ATP8B1: variants seen among roughly 807,000 people sequenced by gnomAD.
ATP8B1 encodes the protein ATPase phospholipid transporting 8B1.
Under a neutral mutation model 149.9 loss-of-function variants are expected in ATP8B1, and 80 were observed. That is an observed-to-expected ratio of 0.53 (90% CI 0.45 to 0.64). ATP8B1 has a LOEUF of 0.64. Ranked by LOEUF, ATP8B1 falls within the 30% of genes least tolerant of loss-of-function variation. ATP8B1 has a pLI of 0.00. For synonymous variants in ATP8B1, 536 were observed against 562.8 expected (o/e 0.95, Z 0.67); for missense variants, 1,247 against 1,552.6 (o/e 0.80, Z 3.31).
intron 1 of ATP8B1, among the ~76,000 whole-genome samples, chr18:57,757,767 C>T (rs1056617920): frequency 6.6e-6 from 1 of 152,150 alleles, no homozygotes; most frequent in Non-Finnish European, 1.5e-5. Context: ...GCCAGTATCA[C>T]TACATAAAGT....
Position 57,652,430 on chromosome 18 carries a change from G to A in ATP8B1, c.3261+54C>T, listed in dbSNP as rs1033007908. The A allele has an allele frequency of 5.3e-5, 86 of 1,610,926 alleles. No individual in the cohort carries two copies. The Admixed American group carries it at 1.3e-3, about 25-fold the overall frequency. On this transcript the variant is annotated intron_variant, in intron 25 of 27. Coordinates refer to ENST00000648908, the MANE Select transcript of ATP8B1 (RefSeq NM_001374385.1). ...GGATGTGCATGCCACCCTATATACA[G>A]AAATATAAGTAGGTACCAATAGACA...
Position 57,648,144 on chromosome 18 carries a change from G to C in ATP8B1, c.*344C>G. ...TGGGATTACGGGTGCCCACCACCAA[G>C]CCCGGCTAATTTTTAATTTATGGTA... On this transcript the variant is annotated 3_prime_UTR_variant, in exon 28 of 28. Coordinates refer to ENST00000648908, the MANE Select transcript of ATP8B1 (RefSeq NM_001374385.1). The C allele has an allele frequency of 2.5e-6, 1 of 395,320 alleles. No homozygotes were observed. Among genetic ancestry groups the C allele is most frequent in the Non-Finnish European group, 4.8e-6 (1 of 207,830 alleles). 24.5% of individuals were successfully genotyped at this position (395,320 alleles called of 1,614,324 possible).
intron 15 of ATP8B1, among the ~76,000 whole-genome samples, chr18:57,683,356 G>T (rs1455367138): frequency 6.6e-6 from 1 of 152,188 alleles, no homozygotes; most frequent in African/African-American, 2.4e-5. Flanking sequence ...AAGTGCATGT[G>T]TGTCTATATA....
At chr18:57,668,941 A>G in intron 18 of ATP8B1, 1 of 207,294 alleles carries the variant, frequency 4.8e-6, no homozygotes, top group East Asian at 1.2e-4. Context: ...GAAAACTTTT[A>G]GAAACAATAT....
intron 1 of ATP8B1, among the ~76,000 whole-genome samples, chr18:57,791,346 CTTTT>C (rs2080462328): frequency 8.0e-6 from 1 of 124,970 alleles, no homozygotes. Context: ...TTTTTCTTTT[CTTTT>C]CTTTTTTTTT....
At chr18:57,783,977 C>G (rs2080382250) in intron 1 of ATP8B1, among the ~76,000 whole-genome samples, 1 of 152,184 alleles carries the variant, frequency 6.6e-6, no homozygotes, top group Non-Finnish European at 1.5e-5. Flanking sequence ...TTCTCTACAT[C>G]CTTGCTACTT....
intron 2 of ATP8B1, chr18:57,731,302 C>G: frequency 6.4e-6 from 1 of 157,046 alleles, no homozygotes; most frequent in East Asian, 1.9e-4. Context: ...TGAGACCCTG[C>G]CTCAAAATAT....
At chr18:57,733,580 C>T (rs1012811814) in intron 1 of ATP8B1, among the ~76,000 whole-genome samples, 1 of 151,982 alleles carries the variant, frequency 6.6e-6, no homozygotes, top group Non-Finnish European at 1.5e-5. Flanking sequence ...GTAGCGGGCA[C>T]CTGTAGTCCC....
At chr18:57,665,299 C>T (rs1435326701) in intron 20 of ATP8B1, among the ~76,000 whole-genome samples, 3 of 152,064 alleles carry the variant, frequency 2.0e-5, no homozygotes, top group Non-Finnish European at 4.4e-5. Context: ...TTAAGAGCCA[C>T]CTGGGAAGAT....
intron 12 of ATP8B1, among the ~76,000 whole-genome samples, chr18:57,690,212 T>A (rs980565010): frequency 2.6e-5 from 4 of 152,150 alleles, no homozygotes; most frequent in African/African-American, 9.7e-5. Flanking sequence ...GGAATGCCCC[T>A]GGCAGAGAAA....
chr18:57,779,159 C>T (rs2080336319), intron 1 of ATP8B1, among the ~76,000 whole-genome samples: 1 of 151,852 alleles, frequency 6.6e-6, no homozygotes, highest in Admixed American at 6.6e-5. Context: ...CCCATCTCTA[C>T]AAAAAATGCA....
At chr18:57,667,188 G>A in intron 19 of ATP8B1, 21 bp from the exon 20 acceptor site, 2 of 1,560,710 alleles carry the variant, frequency 1.3e-6, no homozygotes, top group South Asian at 1.1e-5. Context: ...ATAAAATTAA[G>A]TCAAATGTCA....
intron 1 of ATP8B1, among the ~76,000 whole-genome samples, chr18:57,745,656 A>AT (rs11304424): frequency 7.3e-4 from 105 of 143,940 alleles, no homozygotes; most frequent in East Asian, 1.2e-3. Flanking sequence ...TGGTTTTACA[A>AT]TTTTTTTTTT....
intron 22 of ATP8B1, among the ~76,000 whole-genome samples, chr18:57,656,589 C>A (rs1910014215): frequency 1.3e-5 from 2 of 151,924 alleles, no homozygotes; most frequent in South Asian, 4.2e-4. Flanking sequence ...GTTGTCCAGG[C>A]AGGCCTTGAA....
intron 12 of ATP8B1, among the ~76,000 whole-genome samples, chr18:57,689,975 G>T (rs317808): frequency 0.99 from 150,085 of 152,336 alleles, 73,977 homozygotes; most frequent in Middle Eastern, 1. Context: ...GAGATCGCGC[G>T]ACTGCACTCC....
chr18:57,684,384 CAT>C (rs1912131563), intron 14 of ATP8B1, among the ~76,000 whole-genome samples, 192 bp from the exon 15 acceptor site: 1 of 150,146 alleles, frequency 6.7e-6, no homozygotes, highest in African/African-American at 2.5e-5. Context: ...TTTTTGGAAA[CAT>C]ATATGACCAT....
rs115130051 is a variant in ATP8B1, at chr18:57,736,538, G to A, written c.-25-4706C>T. ...TGTAGTAGGACAATCATAGCTCATT[G>A]CAGCATTGAACTCTTGGGCTCAAGG... On this transcript the variant is annotated intron_variant, in intron 1 of 27. Coordinates refer to ENST00000648908, the MANE Select transcript of ATP8B1 (RefSeq NM_001374385.1). Among the ~76,000 whole-genome samples the A allele has an allele frequency of 6.5e-3, 894 of 137,588 alleles. 12 individuals carry two copies. Among genetic ancestry groups the A allele is most frequent in the African/African-American group, 0.022 (816 of 36,726 alleles). The allele number at this position is 137,588 out of a possible 152,430, so 90.3% of individuals were successfully genotyped here.
At chr18:57,726,111 C>T (rs1051710058) in intron 2 of ATP8B1, among the ~76,000 whole-genome samples, 3 of 152,112 alleles carry the variant, frequency 2.0e-5, no homozygotes, top group Non-Finnish European at 4.4e-5. Context: ...ACCTGTAGTC[C>T]CAGCTACTCG....
intron 1 of ATP8B1, among the ~76,000 whole-genome samples, chr18:57,762,054 T>C (rs2080163051): frequency 6.6e-6 from 1 of 151,584 alleles, no homozygotes; most frequent in South Asian, 2.1e-4. Flanking sequence ...TAGTGTACGC[T>C]GTTCACATCT....
Sources: gnomAD v4.1 joint callset for allele counts (sites outside exome capture counted in the v4.1 genomes callset) on GRCh38, gnomAD v4.1.1 for gene constraint, MANE v1.5 for transcripts, NCBI Gene and HGNC (gene_info 2026-07-23, HGNC 2026-07-21) for gene names.